DTNB: variants seen among roughly 807,000 people sequenced by gnomAD.
The protein encoded by DTNB is DTN-B.
In DTNB, 63 loss-of-function variants were observed where a neutral mutation model predicts 90.7. That is an observed-to-expected ratio of 0.69 (90% CI 0.57 to 0.86). The LOEUF (loss-of-function observed/expected upper bound fraction) is 0.86. DTNB is among the 40% of genes least tolerant of loss of function. The pLI is 0.00. For missense variants in DTNB, 744 were observed against 807.1 expected, an observed-to-expected ratio of 0.92 and a Z score of 0.95; for synonymous variants, 277 against 286.7, an observed-to-expected ratio of 0.97 and a Z score of 0.34.
chr2:25,524,191 G>A (rs144620413), intron 9 of DTNB, among the ~76,000 whole-genome samples: 5 of 152,066 alleles, frequency 3.3e-5, no homozygotes, highest in South Asian at 2.1e-4. Flanking sequence ...ATGAGCCACC[G>A]TGCCCGGCCC....
intron 8 of DTNB, among the ~76,000 whole-genome samples, chr2:25,538,021 C>A (rs540572487): frequency 6.6e-6 from 1 of 152,078 alleles, no homozygotes; most frequent in Non-Finnish European, 1.5e-5. Flanking sequence ...TTTTAAATAC[C>A]GTAATCCCCT....
intron 10 of DTNB, among the ~76,000 whole-genome samples, chr2:25,481,411 TAAAAAAAA>T (rs5829978): frequency 7.1e-6 from 1 of 141,768 alleles, no homozygotes; most frequent in African/African-American, 2.6e-5. Flanking sequence ...TCTCCAAATT[TAAAAAAAA>T]AAAAAAAATG....
chr2:25,524,825 G>A (rs530902568), intron 9 of DTNB, among the ~76,000 whole-genome samples: 25 of 152,288 alleles, frequency 1.6e-4, no homozygotes, highest in Admixed American at 2.6e-4. Context: ...AACGGACTGG[G>A]TGTGAGTAAC....
rs922652778 is a variant in DTNB, at chr2:25,424,296, T to C, written c.1554+3239A>G. Among the ~76,000 whole-genome samples, 1 of 152,196 alleles carries C rather than the reference T, an allele frequency of 6.6e-6. No homozygotes were observed. Among genetic ancestry groups the C allele is most frequent in the African/African-American group, 2.4e-5 (1 of 41,442 alleles). Reference sequence around the variant, plus strand: ...AGGGGATCCTACAGGGGCAGCAGTGTCCTGCTTATTTTTCTGAAATTACTG... The same window carrying C: ...AGGGGATCCTACAGGGGCAGCAGTGCCCTGCTTATTTTTCTGAAATTACTG... On this transcript the variant is annotated intron_variant, in intron 15 of 20. Coordinates refer to ENST00000406818, the MANE Select transcript of DTNB (RefSeq NM_021907.5). This position sits in a 1 kb window ranked among gnomAD's most constrained non-coding sequence, Gnocchi z 4.1.
At chr2:25,504,837 C>CT (rs1339521579) in intron 9 of DTNB, among the ~76,000 whole-genome samples, 1 of 152,022 alleles carries the variant, frequency 6.6e-6, no homozygotes, top group Non-Finnish European at 1.5e-5. Context: ...CACAAAATAC[C>CT]TTTTTGCAAA....
At chr2:25,671,841 G>A (rs2085984652) in intron 1 of DTNB, among the ~76,000 whole-genome samples, 1 of 152,154 alleles carries the variant, frequency 6.6e-6, no homozygotes, top group Non-Finnish European at 1.5e-5. Context: ...TGAAACAGCA[G>A]CCTGGAGCTC....
chr2:25,533,968 ATTTT>A (rs1328552796), intron 8 of DTNB, among the ~76,000 whole-genome samples: 119 of 148,534 alleles, frequency 8.0e-4, no homozygotes, highest in African/African-American at 2.8e-3. Flanking sequence ...TTATTTATTT[ATTTT>A]TTGGAAATGC....
At chr2:25,567,482 A>AT (rs2059217309) in intron 8 of DTNB, among the ~76,000 whole-genome samples, 1 of 152,182 alleles carries the variant, frequency 6.6e-6, no homozygotes, top group African/African-American at 2.4e-5. Flanking sequence ...GTCCATCAAC[A>AT]TTTTTTTAAG....
intron 9 of DTNB, among the ~76,000 whole-genome samples, chr2:25,498,629 T>C (rs116292503): frequency 5.7e-4 from 87 of 152,090 alleles, no homozygotes; most frequent in Non-Finnish European, 8.7e-4. Flanking sequence ...GTGGACTGCT[T>C]GAGCCCAAGA....
At chr2:25,469,954 G>C (rs1364975804) in intron 10 of DTNB, among the ~76,000 whole-genome samples, 2 of 152,074 alleles carry the variant, frequency 1.3e-5, no homozygotes, top group African/African-American at 4.8e-5. Flanking sequence ...GAGAAGAAAC[G>C]ACCACTGTCA....
At chr2:25,510,183 T>C (rs1325422477) in intron 9 of DTNB, among the ~76,000 whole-genome samples, 1 of 152,166 alleles carries the variant, frequency 6.6e-6, no homozygotes, top group East Asian at 1.9e-4. Context: ...GTTTATAATC[T>C]CTAAATCTAA....
chr2:25,571,972 C>T (rs1572760052), intron 8 of DTNB, among the ~76,000 whole-genome samples: 1 of 152,106 alleles, frequency 6.6e-6, no homozygotes, highest in South Asian at 2.1e-4. Context: ...ACTACTGAAA[C>T]TTCAATCTTC....
chr2:25,507,760 C>T (rs1050655748), intron 9 of DTNB, among the ~76,000 whole-genome samples: 1 of 152,204 alleles, frequency 6.6e-6, no homozygotes, highest in African/African-American at 2.4e-5. Context: ...AACACATCCT[C>T]TTGTCACTTA....
At chr2:25,390,726 T>TTC (rs770808317) in intron 16 of DTNB, among the ~76,000 whole-genome samples, 4 of 151,936 alleles carry the variant, frequency 2.6e-5, no homozygotes, top group Non-Finnish European at 4.4e-5. Flanking sequence ...GGATTACAGG[T>TTC]GTGAGCCACT....
intron 9 of DTNB, among the ~76,000 whole-genome samples, chr2:25,496,569 C>T (rs538561497): frequency 5.9e-5 from 9 of 152,234 alleles, no homozygotes; most frequent in East Asian, 5.8e-4. Context: ...TGGGGCTGGG[C>T]GCAGTGGCTC....
At chr2:25,450,722 G>T (rs143785102) in intron 12 of DTNB, among the ~76,000 whole-genome samples, 341 of 152,120 alleles carry the variant, frequency 2.2e-3, no homozygotes, top group African/African-American at 7.7e-3. Context: ...ATTTCTTTTA[G>T]CAATGTTTTA....
At position 25,508,758 on chromosome 2, in the gene DTNB, T is replaced by G. The variant is rs1198478148; in HGVS notation, c.1001+22715A>C. The stretch of plus-strand genomic sequence containing the variant: ...CATGTTGGTCAGGCTGGTCTCAAAC[T>G]CCCAACTTCGGGTGATCCACCCACC... On this transcript the variant is annotated intron_variant, in intron 9 of 20. Coordinates refer to ENST00000406818, the MANE Select transcript of DTNB (RefSeq NM_021907.5). Among the ~76,000 whole-genome samples the G allele has an allele frequency of 2.6e-5, 4 of 152,258 alleles. No individual in the cohort carries two copies. In the East Asian group the frequency reaches 7.7e-4, roughly 29 times the overall value.
At chr2:25,421,395 G>T (rs2049642185) in intron 15 of DTNB, among the ~76,000 whole-genome samples, 1 of 152,172 alleles carries the variant, frequency 6.6e-6, no homozygotes, top group South Asian at 2.1e-4. Context: ...ACTCACAGGA[G>T]CCTAGGCACA....
intron 8 of DTNB, among the ~76,000 whole-genome samples, chr2:25,536,889 C>T (rs564729793): frequency 2.6e-5 from 4 of 152,136 alleles, no homozygotes; most frequent in Non-Finnish European, 4.4e-5. Context: ...ACTACAGGCG[C>T]GTGCCACCAT....
Sources: gnomAD v4.1 joint callset for allele counts (sites outside exome capture counted in the v4.1 genomes callset) on GRCh38, gnomAD v4.1.1 for gene constraint, Gnocchi (gnomAD v3.1) non-coding constraint, MANE v1.5 for transcripts, NCBI Gene and HGNC (gene_info 2026-07-23, HGNC 2026-07-21) for gene names.